Variants in PLCB4 observed in about 807,000 individuals in gnomAD.
PLCB4 encodes phospholipase C beta 4.
Under a neutral mutation model 178.8 loss-of-function variants are expected in PLCB4, and 77 were observed. The ratio of observed to expected loss-of-function variants is 0.43; its 90% CI spans 0.36 to 0.52. PLCB4 has a LOEUF of 0.52. Ranked by LOEUF, PLCB4 falls within the 20% of genes least tolerant of loss-of-function variation. The probability of loss-of-function intolerance (pLI) is 0.00; values close to 1 mark genes in which losing one functional copy is unlikely to be tolerated. For synonymous variants in PLCB4, 496 were observed against 490.8 expected (o/e 1.01, Z -0.14); for missense variants, 1,024 against 1,453.4 (o/e 0.70, Z 4.80).
At chr20:9,227,888 C>T (rs2093886728) in intron 3 of PLCB4, among the ~76,000 whole-genome samples, 1 of 152,076 alleles carries the variant, frequency 6.6e-6, no homozygotes. Context: ...GATTTTTCAA[C>T]TATGGTATTA....
rs150130995 is a variant in PLCB4, at chr20:9,257,614, G to A, written c.-16+40162G>A. ...CTCATCAAAAACTATTCCTGACTTG[G>A]CCAGAAATGGAAAGATCTTCATTTT... is the stretch of plus-strand genomic sequence containing the variant. On this transcript the variant is annotated intron_variant, in intron 3 of 39. Transcript: ENST00000378473. 6.3e-3 allele frequency among the ~76,000 whole-genome samples: 952 copies of A among 152,182 alleles called. 14 individuals carry two copies. The highest frequency in any genetic ancestry group is 0.022 in the African/African-American group (916 of 41,510).
intron 14 of PLCB4, among the ~76,000 whole-genome samples, chr20:9,386,551 T>C (rs2037679804): frequency 6.6e-6 from 1 of 152,112 alleles, no homozygotes; most frequent in Admixed American, 6.5e-5. Flanking sequence ...TACTTCCATT[T>C]GCAAACTTCC....
chr20:9,336,317 G>A (rs1278402203), intron 4 of PLCB4, among the ~76,000 whole-genome samples: 1 of 152,072 alleles, frequency 6.6e-6, no homozygotes, highest in Non-Finnish European at 1.5e-5. Context: ...TAAGCACAGT[G>A]GTGCTCTAAT....
intron 28 of PLCB4, among the ~76,000 whole-genome samples, chr20:9,433,130 C>A (rs1230661463): frequency 6.6e-6 from 1 of 152,156 alleles, no homozygotes; most frequent in Non-Finnish European, 1.5e-5. Flanking sequence ...GAGATAGCAG[C>A]AGTATGAATG....
intron 3 of PLCB4, among the ~76,000 whole-genome samples, chr20:9,220,628 T>G (rs1225971815): frequency 6.6e-6 from 1 of 152,140 alleles, no homozygotes; most frequent in Non-Finnish European, 1.5e-5. Context: ...CAGACGAGAC[T>G]CCATCTCAAA....
intron 3 of PLCB4, among the ~76,000 whole-genome samples, chr20:9,307,265 T>C (rs2094779056): frequency 1.3e-5 from 2 of 151,564 alleles, no homozygotes; most frequent in African/African-American, 2.4e-5. Flanking sequence ...AACAAAGGGG[T>C]AGGGGAAAGG....
chr20:9,471,328 G>A (rs2122645869), intron 36 of PLCB4, among the ~76,000 whole-genome samples: 1 of 151,920 alleles, frequency 6.6e-6, no homozygotes, highest in Admixed American at 6.6e-5. Context: ...AAAACAAAAT[G>A]CAATAGAGAA....
intron 14 of PLCB4, 40 bp from the exon 15 acceptor site, chr20:9,387,423 A>T: frequency 2.0e-6 from 2 of 991,380 alleles, no homozygotes; most frequent in Non-Finnish European, 3.1e-6. Context: ...ACACTATTTC[A>T]TTGTAAAGTT....
intron 3 of PLCB4, among the ~76,000 whole-genome samples, chr20:9,292,148 A>G (rs531967541): frequency 1.3e-5 from 2 of 152,268 alleles, no homozygotes; most frequent in African/African-American, 2.4e-5. Context: ...TCATTTTACA[A>G]TCCTCAGGCT....
intron 7 of PLCB4, among the ~76,000 whole-genome samples, chr20:9,361,472 A>G (rs1021098078): frequency 2.6e-5 from 4 of 152,164 alleles, no homozygotes; most frequent in Admixed American, 2.0e-4. Flanking sequence ...ATATTTATCA[A>G]TGGCTGGGAG....
chr20:9,300,049 T>G (rs1369534898), intron 3 of PLCB4, among the ~76,000 whole-genome samples: 1 of 152,152 alleles, frequency 6.6e-6, no homozygotes, highest in African/African-American at 2.4e-5. Context: ...CAAATTAGAT[T>G]CTTACTGGAG....
At chr20:9,389,109 C>A (rs189185503) in intron 15 of PLCB4, among the ~76,000 whole-genome samples, 1 of 152,146 alleles carries the variant, frequency 6.6e-6, no homozygotes, top group East Asian at 1.9e-4. Context: ...TGGTTTGAAG[C>A]CTTTCTTTCT....
At chr20:9,142,790 T>C (rs1324434957) in intron 2 of PLCB4, among the ~76,000 whole-genome samples, 1 of 152,108 alleles carries the variant, frequency 6.6e-6, no homozygotes, top group East Asian at 1.9e-4. Flanking sequence ...CAAATGATGC[T>C]CTGAAATAGA....
intron 3 of PLCB4, among the ~76,000 whole-genome samples, chr20:9,294,927 A>G (rs776017324): frequency 6.6e-6 from 1 of 152,234 alleles, no homozygotes; most frequent in Non-Finnish European, 1.5e-5. Context: ...TTGAGTTCCC[A>G]TCTTGGCTAA....
intron 7 of PLCB4, among the ~76,000 whole-genome samples, chr20:9,359,766 A>G (rs1050775961): frequency 6.6e-5 from 10 of 152,192 alleles, no homozygotes; most frequent in Non-Finnish European, 8.8e-5. Context: ...ATTTTCAGCA[A>G]TTCAAGAAAG....
chr20:9,097,103 T>G (rs2090941666), intron 2 of PLCB4, among the ~76,000 whole-genome samples: 3 of 151,918 alleles, frequency 2.0e-5, no homozygotes. Flanking sequence ...CCCAGCTAAT[T>G]TTTGTATCTC....
chr20:9,393,162 TTACTA>T (rs2148424185), intron 17 of PLCB4, among the ~76,000 whole-genome samples: 2 of 152,292 alleles, frequency 1.3e-5, no homozygotes, highest in South Asian at 4.1e-4. Context: ...GCAGACAGGC[TTACTA>T]TACAGCCTGA....
At chr20:9,370,588 G>T (rs2036164148) in intron 9 of PLCB4, among the ~76,000 whole-genome samples, 1 of 152,060 alleles carries the variant, frequency 6.6e-6, no homozygotes, top group South Asian at 2.1e-4. Flanking sequence ...GGTAGCATCA[G>T]AATTTATCAT....
intron 7 of PLCB4, among the ~76,000 whole-genome samples, chr20:9,349,444 A>G (rs1028143765): frequency 6.6e-6 from 1 of 152,176 alleles, no homozygotes; most frequent in Non-Finnish European, 1.5e-5. Flanking sequence ...ACTTTTTCTT[A>G]GGTTTCAATG....
Sources: allele counts gnomAD v4.1 joint callset (sites outside exome capture counted in the v4.1 genomes callset), GRCh38; gene constraint gnomAD v4.1.1; transcripts MANE v1.5; gene names NCBI Gene and HGNC (gene_info 2026-07-23, HGNC 2026-07-21).